Variants in ATP8B1 observed in about 807,000 individuals in gnomAD.
The protein encoded by ATP8B1 is phospholipid-transporting ATPase IC.
Under a neutral mutation model 149.9 loss-of-function variants are expected in ATP8B1, and 80 were observed. That is an observed-to-expected ratio of 0.53 (90% CI 0.45 to 0.64). The LOEUF is 0.64. ATP8B1 is among the 30% of genes least tolerant of loss of function. ATP8B1 has a pLI of 0.00. For synonymous variants in ATP8B1, 536 were observed against 562.8 expected, an observed-to-expected ratio of 0.95 and a Z score of 0.67; for missense variants, 1,247 against 1,552.6, an observed-to-expected ratio of 0.80 and a Z score of 3.31.
At chr18:57,801,455 T>C (rs924467818) in intron 1 of ATP8B1, among the ~76,000 whole-genome samples, 2 of 152,188 alleles carry the variant, frequency 1.3e-5, no homozygotes, top group African/African-American at 4.8e-5. Context: ...TCTGCGCATT[T>C]ATAATAGGGT....
chr18:57,667,443 A>G (rs946306353), intron 19 of ATP8B1: 1 of 436,514 alleles, frequency 2.3e-6, no homozygotes, highest in Non-Finnish European at 4.2e-6. Context: ...TGCCAGGCTC[A>G]TTCTTACTGT....
intron 1 of ATP8B1, among the ~76,000 whole-genome samples, chr18:57,758,628 A>G (rs2080109731): frequency 6.9e-6 from 1 of 145,444 alleles, no homozygotes; most frequent in East Asian, 2.0e-4. Context: ...AGCCTGGGCA[A>G]CAAGAGCAAA....
At chr18:57,668,665 G>C in intron 18 of ATP8B1, 125 bp from the exon 19 acceptor site, 1 of 645,168 alleles carries the variant, frequency 1.5e-6, no homozygotes, top group South Asian at 1.9e-5. Context: ...TGCTCTCCTG[G>C]GGCCAATGGC....
intron 1 of ATP8B1, among the ~76,000 whole-genome samples, chr18:57,778,768 G>C (rs2080333422): frequency 6.6e-6 from 1 of 152,156 alleles, no homozygotes; most frequent in African/African-American, 2.4e-5. Flanking sequence ...TTCTCTTACA[G>C]TAAGTGAGAG....
chr18:57,756,230 C>T (rs2080078739), intron 1 of ATP8B1, among the ~76,000 whole-genome samples: 10 of 114,390 alleles, frequency 8.7e-5, no homozygotes, highest in African/African-American at 3.2e-4. Flanking sequence ...CACACACACA[C>T]ACACACATAT....
Position 57,648,475 on chromosome 18 carries a change from TG to T in ATP8B1, c.*12del. 6.2e-7 allele frequency: 1 copy of T among 1,610,940 alleles called. No homozygotes were observed. ...CGTGCTTTGTGGCCGCATCCCAGCC[TG>T]GGGGTAAGGGATCAGCTGTCCCCGG... On this transcript the variant is annotated 3_prime_UTR_variant, in exon 28 of 28. Coordinates refer to ENST00000648908, the MANE Select transcript of ATP8B1 (RefSeq NM_001374385.1).
intron 22 of ATP8B1, among the ~76,000 whole-genome samples, chr18:57,657,448 C>A (rs1056604286): frequency 2.0e-5 from 3 of 151,930 alleles, no homozygotes; most frequent in African/African-American, 7.3e-5. Flanking sequence ...TTGCTCAGAC[C>A]CTGAAAAGTG....
chr18:57,695,575 G>T (rs1194326113), intron 8 of ATP8B1, 43 bp from the exon 9 acceptor site: 15 of 1,494,948 alleles, frequency 1.0e-5, no homozygotes, highest in Middle Eastern at 2.1e-4. Context: ...ACAAATTTTT[G>T]AGTTCAAAGT....
At chr18:57,663,491 T>G (rs1910636252) in intron 20 of ATP8B1, among the ~76,000 whole-genome samples, 1 of 152,168 alleles carries the variant, frequency 6.6e-6, no homozygotes, top group East Asian at 1.9e-4. Flanking sequence ...TTTTTGAAAT[T>G]TTTTGAAACA....
chr18:57,684,371 T>A (rs1254766805), intron 14 of ATP8B1, among the ~76,000 whole-genome samples, 179 bp from the exon 15 acceptor site: 1 of 152,030 alleles, frequency 6.6e-6, no homozygotes, highest in Admixed American at 6.6e-5. Context: ...CCCCCCCTTT[T>A]TTTTTTTGGA....
rs7226404 is a variant in ATP8B1, at chr18:57,652,240, A to C, written c.3262-68T>G. On this transcript the variant is annotated intron_variant, in intron 25 of 27. Transcript: ENST00000648908. ...GTTAGCAAGAAATAAAGGATCTAAC[A>C]ATCCTGAAAACAGAATTCAGCAAGT... The C allele has an allele frequency of 0.15, 236,394 of 1,590,038 alleles. 18,273 individuals carry two copies. Among genetic ancestry groups the C allele is most frequent in the African/African-American group, 0.24 (17,726 of 74,348 alleles).
chr18:57,702,007 T>C (rs1003306173), intron 4 of ATP8B1, among the ~76,000 whole-genome samples: 1 of 152,194 alleles, frequency 6.6e-6, no homozygotes, highest in Non-Finnish European at 1.5e-5. Flanking sequence ...CAAAGTCATC[T>C]TAACTTTTAA....
At chr18:57,654,790 G>A (rs1197381814) in intron 23 of ATP8B1, among the ~76,000 whole-genome samples, 4 of 147,424 alleles carry the variant, frequency 2.7e-5, no homozygotes, top group Non-Finnish European at 5.9e-5. Context: ...AGGTTCAAGC[G>A]ATTCTCCTGC....
chr18:57,686,377 C>G (rs575354044), intron 13 of ATP8B1, among the ~76,000 whole-genome samples: 2 of 151,986 alleles, frequency 1.3e-5, no homozygotes, highest in South Asian at 4.2e-4. Flanking sequence ...ACTCTGTCAC[C>G]CAGGCTGGAG....
At chr18:57,796,881 G>C (rs1010645279) in intron 1 of ATP8B1, among the ~76,000 whole-genome samples, 12 of 152,272 alleles carry the variant, frequency 7.9e-5, no homozygotes, top group African/African-American at 2.9e-4. Context: ...TCGATCTCTT[G>C]ACCTCATGAT....
intron 1 of ATP8B1, among the ~76,000 whole-genome samples, chr18:57,760,851 T>C (rs1218958827): frequency 6.6e-6 from 1 of 151,784 alleles, no homozygotes; most frequent in Non-Finnish European, 1.5e-5. Flanking sequence ...TAGCCAGGCA[T>C]GATGGCGCGC....
At position 57,737,124 on chromosome 18, in the gene ATP8B1, T is replaced by A. The variant is rs1413761829; in HGVS notation, c.-25-5292A>T. 4 of 152,006 alleles carry A rather than the reference T, an allele frequency of 2.6e-5. No individual in the cohort carries two copies. The East Asian group carries it at 7.7e-4, about 29-fold the overall frequency. 9.4% of individuals were successfully genotyped at this position (152,006 alleles called of 1,614,324 possible). A position where few individuals can be genotyped will look rare whatever the true frequency, so the allele number is the denominator to read the frequency against. ...CCACTACATCTGACTAATTTTTGTG[T>A]TTTTAGAAGAGACAGGGTTTTGCCA... is the stretch of plus-strand genomic sequence containing the variant. On this transcript the variant is annotated intron_variant, in intron 1 of 27. Transcript: ENST00000648908.
At chr18:57,652,389 G>T in intron 25 of ATP8B1, 95 bp downstream of exon 25, 1 of 1,540,028 alleles carries the variant, frequency 6.5e-7, no homozygotes, top group Non-Finnish European at 9.0e-7. Flanking sequence ...TGGCACAGGT[G>T]CAGTGGGAGT....
At position 57,671,460 on chromosome 18, in the gene ATP8B1, A is replaced by G; in HGVS notation, c.1932+8T>C. On this transcript the variant is annotated splice_region_variant and intron_variant, in intron 17 of 27. Transcript: ENST00000648908. ...ATCCCTTGCAGAAAGAATAAAAGTG[A>G]AACTTACATCCAGGGCATCCTGTGT... 1 of 1,597,658 alleles carries G rather than the reference A, an allele frequency of 6.3e-7. No homozygotes were observed. The highest frequency in any genetic ancestry group is 8.6e-7 in the Non-Finnish European group (1 of 1,165,096).
Sources: gnomAD v4.1 joint callset for allele counts (sites outside exome capture counted in the v4.1 genomes callset) on GRCh38, gnomAD v4.1.1 for gene constraint, MANE v1.5 for transcripts, NCBI Gene and HGNC (gene_info 2026-07-23, HGNC 2026-07-21) for gene names.